ATP9A: variants seen among roughly 807,000 people sequenced by gnomAD.
ATP9A encodes ATPase phospholipid transporting 9A.
ATP9A carries 52 observed loss-of-function variants against 144.1 expected under a neutral mutation model. The observed-to-expected ratio is 0.36, with a 90% CI of 0.29 to 0.45. ATP9A has a LOEUF of 0.45. Among genes scored for constraint, ATP9A ranks in the 20% least tolerant of loss-of-function variants. The pLI, the probability that ATP9A is intolerant of heterozygous loss-of-function variation, is 1.00. For synonymous variants in ATP9A, 582 were observed against 557.4 expected (o/e 1.04, Z -0.62); for missense variants, 947 against 1,392.7 (o/e 0.68, Z 5.09).
chr20:51,697,274 T>C, intron 5 of ATP9A, 150 bp downstream of exon 5: 1 of 647,268 alleles, frequency 1.5e-6, no homozygotes, highest in Non-Finnish European at 2.7e-6. Flanking sequence ...TGTCTGTCTG[T>C]CTGTCTCACA....
At position 51,618,741 on chromosome 20, in the gene ATP9A, G is replaced by A. The variant is rs766494560; in HGVS notation, c.2271C>T (p.Cys757=). 1.2e-6 allele frequency: 2 copies of A among 1,611,274 alleles called. No individual in the cohort carries two copies. Among genetic ancestry groups the A allele is most frequent in the Non-Finnish European group, 1.7e-6 (2 of 1,178,862 alleles). The stretch of plus-strand genomic sequence containing the variant: ...CCTTCTGGGTGGGGGCACATCGGCA[G>A]CAGACTACGGCCGGGCACTGGCAGG... ...ELACQCPAVV[C]CRCAPTQKAQ... is the part of the protein sequence containing the mutation. The change falls in exon 21 of 28, where the codon TGC becomes TGT. Residue 757 remains cysteine, a synonymous_variant. Transcript: ENST00000338821.
chr20:51,609,212 C>T (rs13043775), intron 24 of ATP9A, among the ~76,000 whole-genome samples: 18,762 of 152,032 alleles, frequency 0.12, 1,266 homozygotes, highest in Admixed American at 0.18. Context: ...GAAGGTCGCA[C>T]GGCGCACAGC....
chr20:51,751,995 C>T (rs1267932512), intron 1 of ATP9A, among the ~76,000 whole-genome samples: 3 of 151,314 alleles, frequency 2.0e-5, no homozygotes, highest in Admixed American at 2.0e-4. Context: ...ACAAGACAAA[C>T]GAGGGCACTG....
intron 1 of ATP9A, among the ~76,000 whole-genome samples, chr20:51,756,202 A>G (rs1210977897): frequency 2.0e-5 from 3 of 151,860 alleles, no homozygotes; most frequent in Non-Finnish European, 4.4e-5. Flanking sequence ...GTTTCTCCTG[A>G]GGCCTCTCTC....
intron 14 of ATP9A, among the ~76,000 whole-genome samples, chr20:51,651,192 A>G (rs2077363196): frequency 7.0e-6 from 1 of 143,738 alleles, no homozygotes; most frequent in African/African-American, 2.5e-5. Flanking sequence ...AGTAAATATT[A>G]TTTTATATAT....
chr20:51,654,527 A>T (rs79769226), intron 14 of ATP9A, among the ~76,000 whole-genome samples: 2 of 151,390 alleles, frequency 1.3e-5, no homozygotes, highest in Admixed American at 6.6e-5. Context: ...AAAAAAAAAA[A>T]TTCTGGGAAG....
chr20:51,676,504 G>A (rs1174965836), intron 9 of ATP9A, among the ~76,000 whole-genome samples: 1 of 152,086 alleles, frequency 6.6e-6, no homozygotes, highest in African/African-American at 2.4e-5. Context: ...TTGAGGCGGA[G>A]TTTTACTCTT....
Position 51,674,157 on chromosome 20 carries a change from TG to T in ATP9A, c.1032del (p.Ile345LeufsTer5), listed in dbSNP as rs1446891281. 1 of 1,613,484 alleles carries T rather than the reference TG, an allele frequency of 6.2e-7. No individual in the cohort carries two copies. Among genetic ancestry groups the T allele is most frequent in the Non-Finnish European group, 8.5e-7 (1 of 1,179,832 alleles). On this transcript the variant is annotated frameshift_variant, in exon 11 of 28. Coordinates refer to ENST00000338821, the MANE Select transcript of ATP9A (RefSeq NM_006045.3). LOFTEE classifies it high-confidence loss of function. Reference sequence around the variant, plus strand: ...TCAAGCTCGTCGCCTGCTTACCTAATGGGGATGATGTTGGAAAACAAGAGGA... The same window carrying T: ...TCAAGCTCGTCGCCTGCTTACCTAATGGGATGATGTTGGAAAACAAGAGGA... ...RFLLLFSNII[P>X]ISLRVNLDMG...
intron 14 of ATP9A, among the ~76,000 whole-genome samples, chr20:51,656,468 G>A (rs930194587): frequency 3.3e-5 from 5 of 152,100 alleles, no homozygotes; most frequent in East Asian, 1.9e-4. Context: ...CAGGAGAATC[G>A]CTCGAACCCC....
At chr20:51,657,680 G>C (rs760802548) in intron 13 of ATP9A, among the ~76,000 whole-genome samples, 1 of 152,204 alleles carries the variant, frequency 6.6e-6, no homozygotes, top group Admixed American at 6.5e-5. Context: ...CACTGTTTAA[G>C]CTCACAATCT....
intron 3 of ATP9A, among the ~76,000 whole-genome samples, chr20:51,725,097 CATTT>C (rs936327576): frequency 9.2e-5 from 14 of 151,558 alleles, no homozygotes; most frequent in African/African-American, 2.9e-4. Flanking sequence ...TTAGATTTTA[CATTT>C]ATTTATTTGG....
At chr20:51,736,270 G>A (rs1414280597) in intron 1 of ATP9A, among the ~76,000 whole-genome samples, 2 of 152,200 alleles carry the variant, frequency 1.3e-5, no homozygotes, top group Admixed American at 6.5e-5. Context: ...GGACAACACA[G>A]GGCTTTGTCA....
chr20:51,659,878 T>G (rs920636577), intron 13 of ATP9A, among the ~76,000 whole-genome samples: 3 of 152,234 alleles, frequency 2.0e-5, no homozygotes, highest in Admixed American at 6.5e-5. Flanking sequence ...TCTGTTAACC[T>G]CTGGTGTCAG....
chr20:51,767,070 ATTCTT>A (rs757715348), intron 1 of ATP9A, among the ~76,000 whole-genome samples: 1,201 of 71,170 alleles, frequency 0.017, 9 homozygotes, highest in South Asian at 0.05. Context: ...CGCCAGCACC[ATTCTT>A]TTTTTTTTTT....
At chr20:51,623,936 C>T (rs1375027430) in intron 18 of ATP9A, among the ~76,000 whole-genome samples, 1 of 152,176 alleles carries the variant, frequency 6.6e-6, no homozygotes, top group Non-Finnish European at 1.5e-5. Flanking sequence ...AATGGTAAGT[C>T]ACATGCACAC....
At chr20:51,767,038 G>A (rs1358303405) in intron 1 of ATP9A, among the ~76,000 whole-genome samples, 1 of 150,560 alleles carries the variant, frequency 6.6e-6, no homozygotes. Flanking sequence ...GGAAGCCAGG[G>A]ACAAAGACCC....
chr20:51,726,901 T>C (rs1412162504), intron 2 of ATP9A, among the ~76,000 whole-genome samples: 2 of 84,268 alleles, frequency 2.4e-5, no homozygotes, highest in Admixed American at 1.1e-4. Context: ...TTTTTTTTTT[T>C]TTTTTTTTTT....
Position 51,718,159 on chromosome 20 carries a change from G to A in ATP9A, c.328-5085C>T, listed in dbSNP as rs138335041. On this transcript the variant is annotated intron_variant, in intron 3 of 27. Transcript: ENST00000338821. Reference sequence around the variant, plus strand: ...CTTGAGATATAAAAGGCAGGGAGACGGAGAGACACATGGCTGCCTTCGAGG... The same window carrying A: ...CTTGAGATATAAAAGGCAGGGAGACAGAGAGACACATGGCTGCCTTCGAGG... Among the ~76,000 whole-genome samples, 17 of 152,214 alleles carry A rather than the reference G, an allele frequency of 1.1e-4. No individual in the cohort carries two copies. The East Asian group carries it at 1.5e-3, about 14-fold the overall frequency.
chr20:51,696,087 G>T lies in ATP9A; in HGVS notation c.547+6C>A. On this transcript the variant is annotated splice_donor_region_variant and intron_variant, in intron 6 of 27. Transcript: ENST00000338821. The stretch of plus-strand genomic sequence containing the variant: ...GTTATTTTCCAAATTGATCTCAGAT[G>T]TTTACCGTTTTTTTCTGATGTCCTC... 1 of 1,611,930 alleles carries T rather than the reference G, an allele frequency of 6.2e-7. No homozygotes were observed. The highest frequency in any genetic ancestry group is 8.5e-7 in the Non-Finnish European group (1 of 1,178,054).
Sources: allele counts gnomAD v4.1 joint callset (sites outside exome capture counted in the v4.1 genomes callset), GRCh38; gene constraint gnomAD v4.1.1; transcripts MANE v1.5; gene names NCBI Gene and HGNC (gene_info 2026-07-23, HGNC 2026-07-21).